Variants in AGAP1 observed in about 807,000 individuals in gnomAD.
AGAP1 encodes arf-GAP with GTPase, ANK repeat and PH domain-containing protein 1.
AGAP1 carries 29 observed loss-of-function variants against 105.3 expected under a neutral mutation model. The ratio of observed to expected loss-of-function variants is 0.28; its 90% CI spans 0.21 to 0.38. The LOEUF (loss-of-function observed/expected upper bound fraction) is 0.38. Ranked by LOEUF, AGAP1 falls within the 10% of genes least tolerant of loss-of-function variation. The pLI is 1.00. For synonymous variants in AGAP1, 509 were observed against 485.9 expected (o/e 1.05, Z -0.63); for missense variants, 998 against 1,165.1 (o/e 0.86, Z 2.09).
At chr2:235,938,758 C>T (rs2125197532) in intron 12 of AGAP1, among the ~76,000 whole-genome samples, 1 of 152,206 alleles carries the variant, frequency 6.6e-6, no homozygotes, top group South Asian at 2.1e-4. Context: ...CACTGGGAAG[C>T]ACATGAAGCG....
chr2:235,999,866 C>G (rs1011759098), intron 13 of AGAP1, among the ~76,000 whole-genome samples: 84 of 152,144 alleles, frequency 5.5e-4, no homozygotes, highest in African/African-American at 1.8e-3. Context: ...GTTCTGACTT[C>G]CATTCATTAA....
At chr2:235,685,355 G>T (rs1433223688) in intron 1 of AGAP1, among the ~76,000 whole-genome samples, 1 of 151,602 alleles carries the variant, frequency 6.6e-6, no homozygotes, top group Non-Finnish European at 1.5e-5. Context: ...CATCTCTCTG[G>T]GTCACACTGA....
At chr2:235,860,359 C>CTT (rs879681418) in intron 9 of AGAP1, among the ~76,000 whole-genome samples, 10 of 148,124 alleles carry the variant, frequency 6.8e-5, no homozygotes, top group African/African-American at 2.2e-4. Context: ...TTATAATTAC[C>CTT]TTTTTTTTTT....
Position 235,747,136 on chromosome 2 carries a change from G to T in AGAP1, c.538+2297G>T, listed in dbSNP as rs562767032. Among the ~76,000 whole-genome samples, 1 of 152,138 alleles carries T rather than the reference G, an allele frequency of 6.6e-6. No individual in the cohort carries two copies. The highest frequency in any genetic ancestry group is 1.9e-4 in the East Asian group (1 of 5,140). On this transcript the variant is annotated intron_variant, in intron 5 of 17. Transcript: ENST00000304032. This position sits in a 1 kb window ranked among gnomAD's most constrained non-coding sequence, Gnocchi z 5.0. ...TTCAATCTGCGACCAGTGTTCCAGG[G>T]TCCTGCCTGGAATCCTGAACCCCAC...
chr2:235,855,087 G>A lies in AGAP1; in HGVS notation c.1051-28258G>A, dbSNP rs184324071. Among the ~76,000 whole-genome samples the A allele has an allele frequency of 2.7e-4, 41 of 152,300 alleles. No individual in the cohort carries two copies. The highest frequency in any genetic ancestry group is 9.6e-4 in the African/African-American group (40 of 41,578). ...ACTAATGGACCCTTATTTCGTGAAG[G>A]AACAGAAAAGTAGAAAAGGTTTAAA... On this transcript the variant is annotated intron_variant, in intron 9 of 17. Coordinates refer to ENST00000304032, the MANE Select transcript of AGAP1 (RefSeq NM_001037131.3). The surrounding 1 kb of genome is among the most constrained non-coding windows in gnomAD (Gnocchi z 5.0).
At position 235,934,067 on chromosome 2, in the gene AGAP1, C is replaced by T. The variant is rs1163188130; in HGVS notation, c.1483+3144C>T. On this transcript the variant is annotated intron_variant, in intron 12 of 17. Transcript: ENST00000304032. The surrounding 1 kb of genome is among the most constrained non-coding windows in gnomAD (Gnocchi z 4.9). ...GGCCAGGATTCAAACTCAGGTGGCC[C>T]GATTCAGCTCTCCATCACTGCATGT... Among the ~76,000 whole-genome samples, 3 of 152,126 alleles carry T rather than the reference C, an allele frequency of 2.0e-5. No individual in the cohort carries two copies. The highest frequency in any genetic ancestry group is 2.1e-4 in the South Asian group (1 of 4,824).
intron 9 of AGAP1, among the ~76,000 whole-genome samples, chr2:235,816,451 A>C (rs951071857): frequency 1.3e-5 from 2 of 151,406 alleles, no homozygotes; most frequent in African/African-American, 4.9e-5. Context: ...AAAAAAAAAA[A>C]AAAAAAGGAA....
chr2:235,669,420 T>C (rs1024435428), intron 1 of AGAP1, among the ~76,000 whole-genome samples: 1 of 151,982 alleles, frequency 6.6e-6, no homozygotes, highest in Non-Finnish European at 1.5e-5. Flanking sequence ...TGCAGGCTGG[T>C]GCTGGGCTGG....
rs1228882036 is a variant in AGAP1, at chr2:236,089,663, T to G, written c.2115-30529T>G. Among the ~76,000 whole-genome samples, 1 of 152,172 alleles carries G rather than the reference T, an allele frequency of 6.6e-6. No homozygotes were observed. The highest frequency in any genetic ancestry group is 1.9e-4 in the East Asian group (1 of 5,186). The stretch of plus-strand genomic sequence containing the variant: ...TTTAACCAGAAAGGCCCTCTGCAAA[T>G]TTCTGATTCCTGTACAGTCAGCATT... On this transcript the variant is annotated intron_variant, in intron 16 of 17. Transcript: ENST00000304032. This position sits in a 1 kb window ranked among gnomAD's most constrained non-coding sequence, Gnocchi z 5.6.
rs1331779111 is a variant in AGAP1, at chr2:235,789,042, G to A, written c.674-8717G>A. Among the ~76,000 whole-genome samples, 1 of 152,200 alleles carries A rather than the reference G, an allele frequency of 6.6e-6. No homozygotes were observed. The highest frequency in any genetic ancestry group is 2.4e-5 in the African/African-American group (1 of 41,448). ...TGGGATTAAATGTTAAGGAACTATT[G>A]TGCTTTGAAGGAGTGCATGGAAGAG... On this transcript the variant is annotated intron_variant, in intron 6 of 17. Coordinates refer to ENST00000304032, the MANE Select transcript of AGAP1 (RefSeq NM_001037131.3). This position sits in a 1 kb window ranked among gnomAD's most constrained non-coding sequence, Gnocchi z 4.2.
rs536495964 is a variant in AGAP1, at chr2:235,882,432, G to A, written c.1051-913G>A. On this transcript the variant is annotated intron_variant, in intron 9 of 17. Transcript: ENST00000304032. This position sits in a 1 kb window ranked among gnomAD's most constrained non-coding sequence, Gnocchi z 4.6. ...CAGGGTGTTCTTCTCCTGCGTCTCC[G>A]TTTTCTTCAGCTTGGCCCTATTGAA... The A allele has an allele frequency of 1.0e-5, 16 of 1,585,546 alleles. No individual in the cohort carries two copies. In the African/African-American group the frequency reaches 1.1e-4, roughly 11 times the overall value.
At position 235,898,808 on chromosome 2, in the gene AGAP1, C is replaced by T. The variant is rs571773832; in HGVS notation, c.1156-9930C>T. Among the ~76,000 whole-genome samples, 10 of 152,184 alleles carry T rather than the reference C, an allele frequency of 6.6e-5. No individual in the cohort carries two copies. In the East Asian group the frequency reaches 1.6e-3, roughly 24 times the overall value. ...AATGACAGGCCCCCAGTGTGCAACT[C>T]GGAGGAGAGTGGAGGCACTCTGATT... is the stretch of plus-strand genomic sequence containing the variant. On this transcript the variant is annotated intron_variant, in intron 10 of 17. Coordinates refer to ENST00000304032, the MANE Select transcript of AGAP1 (RefSeq NM_001037131.3).
At chr2:235,657,739 C>T (rs1446380069) in intron 1 of AGAP1, among the ~76,000 whole-genome samples, 1 of 152,102 alleles carries the variant, frequency 6.6e-6, no homozygotes, top group Non-Finnish European at 1.5e-5. Flanking sequence ...AACTGTGCCT[C>T]CCAGAATGTG....
At chr2:235,945,072 A>G (rs2053425811) in intron 12 of AGAP1, among the ~76,000 whole-genome samples, 1 of 152,190 alleles carries the variant, frequency 6.6e-6, no homozygotes, top group Non-Finnish European at 1.5e-5. Context: ...CTCTTTTCCT[A>G]AAATTATGTG....
chr2:235,899,743 A>T (rs1472761436), intron 10 of AGAP1, among the ~76,000 whole-genome samples: 1 of 152,190 alleles, frequency 6.6e-6, no homozygotes, highest in Non-Finnish European at 1.5e-5. Context: ...GTTCATTGTA[A>T]TGAGAGGCCT....
rs748636066 is a variant in AGAP1, at chr2:235,908,706, T to TA, written c.1156-31dup. ...TTGTAAAAGGTCTTTTTTTTTTTTT[T>TA]ATCTCTCTTGGATGTTTAACATTTT... On this transcript the variant is annotated intron_variant, in intron 10 of 17. Transcript: ENST00000304032. This position sits in a 1 kb window ranked among gnomAD's most constrained non-coding sequence, Gnocchi z 4.4. 25 of 1,499,502 alleles carry TA rather than the reference T, an allele frequency of 1.7e-5. No homozygotes were observed. The highest frequency in any genetic ancestry group is 1.6e-4 in the East Asian group (7 of 43,376). 92.9% of individuals were successfully genotyped at this position (1,499,502 alleles called of 1,614,324 possible).
Position 235,712,130 on chromosome 2 carries a change from C to G in AGAP1, c.222+2893C>G, listed in dbSNP as rs1215879836. ...ACCTGCCTCCTGGGTTCAAGTGATT[C>G]TCGTGCCTCAGCCTCCCAAGTAGCT... is the stretch of plus-strand genomic sequence containing the variant. On this transcript the variant is annotated intron_variant, in intron 2 of 17. Transcript: ENST00000304032. The surrounding 1 kb of genome is among the most constrained non-coding windows in gnomAD (Gnocchi z 6.0). 2.0e-5 allele frequency among the ~76,000 whole-genome samples: 3 copies of G among 152,102 alleles called. No homozygotes were observed. The highest frequency in any genetic ancestry group is 4.4e-5 in the Non-Finnish European group (3 of 68,024).
rs141236129 is a variant in AGAP1 at position 235,793,269 on chromosome 2, G to A, written c.674-4490G>A. ...CAGAAGGCCTGGCTGGGAATGGGGC[G>A]TGGCACACGGTGTAATCCGGGCAGC... is the stretch of plus-strand genomic sequence containing the variant. On this transcript the variant is annotated intron_variant, in intron 6 of 17. Coordinates refer to ENST00000304032, the MANE Select transcript of AGAP1 (RefSeq NM_001037131.3). The surrounding 1 kb of genome is among the most constrained non-coding windows in gnomAD (Gnocchi z 5.3). Among the ~76,000 whole-genome samples the A allele has an allele frequency of 1.6e-4, 24 of 152,316 alleles. No homozygotes were observed. The East Asian group carries it at 2.9e-3, about 18-fold the overall frequency.
intron 1 of AGAP1, among the ~76,000 whole-genome samples, chr2:235,694,554 A>C (rs901582875): frequency 6.6e-6 from 1 of 151,586 alleles, no homozygotes; most frequent in Non-Finnish European, 1.5e-5. Context: ...AGGCTGAGGC[A>C]AGAGAATTGC....
Sources: allele counts gnomAD v4.1 joint callset (sites outside exome capture counted in the v4.1 genomes callset), GRCh38; gene constraint gnomAD v4.1.1; non-coding constraint Gnocchi (gnomAD v3.1); transcripts MANE v1.5; gene names NCBI Gene and HGNC (gene_info 2026-07-23, HGNC 2026-07-21).